PCP4L1: variants seen among roughly 807,000 people sequenced by gnomAD.
PCP4L1 encodes the protein Purkinje cell protein 4 like 1, also known as Purkinje cell protein 4-like protein 1.
A neutral mutation model predicts 9.6 loss-of-function variants in PCP4L1; 9 were observed. The ratio of observed to expected loss-of-function variants is 0.94; its 90% CI spans 0.57 to 1.64. The LOEUF is 1.64. Among genes scored for constraint, PCP4L1 ranks in the 40% most tolerant of loss-of-function variants. The pLI is 0.00. For synonymous variants in PCP4L1, 31 were observed against 28.2 expected, an observed-to-expected ratio of 1.10 and a Z score of -0.31; for missense variants, 81 against 80.8, an observed-to-expected ratio of 1.00 and a Z score of -0.01.
At chr1:161,263,899 CTTTTTTTTTTTT>C (rs1160429112) in intron 1 of PCP4L1, among the ~76,000 whole-genome samples, 86 of 70,794 alleles carry the variant, frequency 1.2e-3, no homozygotes, top group Middle Eastern at 0.013. Context: ...ACTTTCTTTC[CTTTTTTTTTTTT>C]TTTTTTTTTT....
chr1:161,261,882 T>C (rs775076114), intron 1 of PCP4L1, among the ~76,000 whole-genome samples: 1 of 152,008 alleles, frequency 6.6e-6, no homozygotes, highest in African/African-American at 2.4e-5. Flanking sequence ...TCTCTTCTTA[T>C]CTAATGAGAA....
chr1:161,282,151 G>A (rs1198851776), intron 1 of PCP4L1, among the ~76,000 whole-genome samples: 2 of 152,146 alleles, frequency 1.3e-5, no homozygotes, highest in East Asian at 1.9e-4. Context: ...TCGGGAGGCC[G>A]AGGCTGGCGG....
In PCP4L1 at chr1:161,258,813, C is replaced by A; in HGVS notation, c.-162C>A. 8.8e-7 allele frequency: 1 copy of A among 1,135,628 alleles called. No individual in the cohort carries two copies. Among genetic ancestry groups the A allele is most frequent in the Non-Finnish European group, 1.3e-6 (1 of 792,860 alleles). The allele number at this position is 1,135,628 out of a possible 1,614,324, so 70.3% of individuals were successfully genotyped here. ...AGCTGGGCTCCGAGAATCCCGGGTG[C>A]CAGCACCAGAGCAGCGGCTCTCCGC... On this transcript the variant is annotated 5_prime_UTR_variant, in exon 1 of 3. Coordinates refer to ENST00000504449, the MANE Select transcript of PCP4L1 (RefSeq NM_001102566.2).
chr1:161,259,843 A>G (rs1474309450), intron 1 of PCP4L1, among the ~76,000 whole-genome samples: 1 of 152,210 alleles, frequency 6.6e-6, no homozygotes, highest in East Asian at 1.9e-4. Context: ...TAGTACCCAC[A>G]TCGTTGTGTT....
intron 1 of PCP4L1, 49 bp downstream of exon 1, chr1:161,259,032 G>C: frequency 1.3e-6 from 2 of 1,521,730 alleles, no homozygotes; most frequent in Non-Finnish European, 1.8e-6. Flanking sequence ...GGCGGGGAGG[G>C]TGCTGCGGCT....
intron 1 of PCP4L1, among the ~76,000 whole-genome samples, chr1:161,277,236 G>A (rs919508278): frequency 6.6e-6 from 1 of 152,192 alleles, no homozygotes; most frequent in Non-Finnish European, 1.5e-5. Context: ...AGAAAAAATA[G>A]TTCAGTACAT....
chr1:161,283,534 A>T (rs1669857365), intron 1 of PCP4L1, 134 bp from the exon 2 acceptor site: 8 of 755,388 alleles, frequency 1.1e-5, no homozygotes, highest in Non-Finnish European at 2.1e-6. Flanking sequence ...TGATCTCAAG[A>T]CTTGCTTCTT....
intron 1 of PCP4L1, among the ~76,000 whole-genome samples, chr1:161,259,884 T>C (rs904200956): frequency 1.3e-5 from 2 of 152,246 alleles, no homozygotes; most frequent in African/African-American, 4.8e-5. Context: ...ATGTCAGATA[T>C]GTATGTAGGC....
chr1:161,283,864 C>T (rs1669863359), intron 2 of PCP4L1, 142 bp downstream of exon 2: 2 of 810,072 alleles, frequency 2.5e-6, no homozygotes, highest in Admixed American at 5.3e-5. Flanking sequence ...CAGTTTGGAA[C>T]TACAGTACTA....
chr1:161,272,466 G>A (rs1270952237), intron 1 of PCP4L1, among the ~76,000 whole-genome samples: 2 of 150,744 alleles, frequency 1.3e-5, no homozygotes, highest in Non-Finnish European at 2.9e-5. Flanking sequence ...GCTGAGGCAG[G>A]AGAATTGCTT....
At chr1:161,260,185 T>G (rs746009352) in intron 1 of PCP4L1, among the ~76,000 whole-genome samples, 16 of 143,558 alleles carry the variant, frequency 1.1e-4, no homozygotes, top group Non-Finnish European at 2.3e-4. Context: ...ATACTAAAAA[T>G]GAAGATCTCT....
At chr1:161,262,382 C>T (rs1396924502) in intron 1 of PCP4L1, among the ~76,000 whole-genome samples, 2 of 137,648 alleles carry the variant, frequency 1.5e-5, no homozygotes, top group Non-Finnish European at 3.0e-5. Flanking sequence ...TGCAGTGAGC[C>T]GAGATCGCAC....
chr1:161,278,998 G>T (rs186531296), intron 1 of PCP4L1, among the ~76,000 whole-genome samples: 1 of 152,250 alleles, frequency 6.6e-6, no homozygotes, highest in Admixed American at 6.5e-5. Flanking sequence ...GCCCAGGCTG[G>T]TCTCAAACTC....
At chr1:161,277,372 TG>T (rs1669716901) in intron 1 of PCP4L1, among the ~76,000 whole-genome samples, 1 of 152,214 alleles carries the variant, frequency 6.6e-6, no homozygotes, top group South Asian at 2.1e-4. Context: ...TCGGTCTACC[TG>T]GGTTCCAAAG....
At chr1:161,281,453 G>A (rs1669796997) in intron 1 of PCP4L1, among the ~76,000 whole-genome samples, 1 of 149,442 alleles carries the variant, frequency 6.7e-6, no homozygotes, top group Non-Finnish European at 1.5e-5. Flanking sequence ...GGACGGGGCG[G>A]CTGGCCAGGC....
In PCP4L1 at chr1:161,270,262, A is replaced by G. The variant is rs184262469; in HGVS notation, c.9+11279A>G. On this transcript the variant is annotated intron_variant, in intron 1 of 2. Coordinates refer to ENST00000504449, the MANE Select transcript of PCP4L1 (RefSeq NM_001102566.2). ...CAGTGAGCTGAGATCATGCCACTGT[A>G]CTCCAGCCTGGGCAACGGAGAGAGA... 6.6e-5 allele frequency among the ~76,000 whole-genome samples: 10 copies of G among 152,198 alleles called. No individual in the cohort carries two copies. The East Asian group carries it at 1.9e-3, about 29-fold the overall frequency.
At chr1:161,278,493 T>C (rs897272967) in intron 1 of PCP4L1, among the ~76,000 whole-genome samples, 1 of 151,984 alleles carries the variant, frequency 6.6e-6, no homozygotes, top group Admixed American at 6.6e-5. Flanking sequence ...GGTCATGAAC[T>C]CCTGGGCTCA....
Position 161,258,825 on chromosome 1 carries a change from C to T in PCP4L1, c.-150C>T, listed in dbSNP as rs1483234734. 1.4e-5 allele frequency: 17 copies of T among 1,228,886 alleles called. No homozygotes were observed. In the South Asian group the frequency reaches 2.1e-4, roughly 15 times the overall value. 76.1% of individuals were successfully genotyped at this position (1,228,886 alleles called of 1,614,324 possible). A position where few individuals can be genotyped will look rare whatever the true frequency, so the allele number is the denominator to read the frequency against. ...AGAATCCCGGGTGCCAGCACCAGAG[C>T]AGCGGCTCTCCGCACTAACTCTCCT... On this transcript the variant is annotated 5_prime_UTR_variant, in exon 1 of 3. Coordinates refer to ENST00000504449, the MANE Select transcript of PCP4L1 (RefSeq NM_001102566.2).
chr1:161,261,714 G>C (rs1193195425), intron 1 of PCP4L1, among the ~76,000 whole-genome samples: 1 of 152,252 alleles, frequency 6.6e-6, no homozygotes, highest in Non-Finnish European at 1.5e-5. Context: ...TGGTCCAGCA[G>C]TCGTTCTGCT....
Sources: allele counts gnomAD v4.1 joint callset (sites outside exome capture counted in the v4.1 genomes callset), GRCh38; gene constraint gnomAD v4.1.1; transcripts MANE v1.5; gene names NCBI Gene and HGNC (gene_info 2026-07-23, HGNC 2026-07-21).